Variants in SLC25A12 observed in about 807,000 individuals in gnomAD.
SLC25A12 encodes electrogenic aspartate/glutamate antiporter SLC25A12, mitochondrial.
SLC25A12 carries 32 observed loss-of-function variants against 83.3 expected under a neutral mutation model. The ratio of observed to expected loss-of-function variants is 0.38; its 90% confidence interval spans 0.29 to 0.52. SLC25A12 has a LOEUF of 0.52. Among genes scored for constraint, SLC25A12 ranks in the 20% least tolerant of loss-of-function variants. SLC25A12 has a pLI of 0.84. For missense variants in SLC25A12, 611 were observed against 835.6 expected (o/e 0.73, Z 3.31); for synonymous variants, 267 against 291.1 (o/e 0.92, Z 0.84).
intron 2 of SLC25A12, among the ~76,000 whole-genome samples, chr2:171,869,968 C>T (rs985014698): frequency 2.0e-5 from 3 of 152,056 alleles, no homozygotes; most frequent in African/African-American, 4.8e-5. Flanking sequence ...AACAGTCCTG[C>T]TTTTTTTTCC....
intron 8 of SLC25A12, among the ~76,000 whole-genome samples, chr2:171,829,394 A>T (rs1480140865): frequency 6.6e-6 from 1 of 152,116 alleles, no homozygotes; most frequent in Non-Finnish European, 1.5e-5. Context: ...AGAACCGGAT[A>T]TTGTGGATGA....
intron 2 of SLC25A12, among the ~76,000 whole-genome samples, chr2:171,874,837 GA>G (rs1257083797): frequency 6.6e-6 from 1 of 152,168 alleles, no homozygotes; most frequent in East Asian, 1.9e-4. Flanking sequence ...TATTGGGTAT[GA>G]GGCAGGAGAA....
At chr2:171,834,423 G>C in intron 7 of SLC25A12, 3 of 464,148 alleles carry the variant, frequency 6.5e-6, no homozygotes, top group African/African-American at 3.9e-5. Context: ...AAAGGAGTAG[G>C]CTTGCTCATC....
chr2:171,786,197 G>A (rs1810337), intron 17 of SLC25A12, among the ~76,000 whole-genome samples: 150,562 of 150,838 alleles, frequency 1, 75,145 homozygotes, highest in Middle Eastern at 1. Flanking sequence ...AACACGGTGA[G>A]ACCCCGTCTC....
intron 9 of SLC25A12, 112 bp from the exon 10 acceptor site, chr2:171,815,314 G>T (rs1684029653): frequency 1.4e-5 from 10 of 725,862 alleles, no homozygotes; most frequent in Non-Finnish European, 2.5e-5. Flanking sequence ...AAGTGATATT[G>T]TTAATGCAGT....
rs371667337 is a variant in SLC25A12, at chr2:171,886,796, C to T, written c.66+6409G>A. On this transcript the variant is annotated intron_variant, in intron 2 of 17. Coordinates refer to ENST00000422440, the MANE Select transcript of SLC25A12 (RefSeq NM_003705.5). ...AAGTGCTGGGATTACAGGCATGAGC[C>T]ACCACATCTTGCCCTATATTCTTAT... Among the ~76,000 whole-genome samples, 19 of 152,292 alleles carry T rather than the reference C, an allele frequency of 1.2e-4. No homozygotes were observed. In the East Asian group the frequency reaches 3.5e-3, roughly 28 times the overall value.
intron 2 of SLC25A12, among the ~76,000 whole-genome samples, chr2:171,872,355 T>C (rs766576215): frequency 1.3e-5 from 2 of 152,160 alleles, no homozygotes; most frequent in Non-Finnish European, 2.9e-5. Context: ...AGTAAGTAGA[T>C]TCCATCAATT....
chr2:171,890,101 T>A (rs1054394897), intron 2 of SLC25A12, among the ~76,000 whole-genome samples: 3 of 152,230 alleles, frequency 2.0e-5, no homozygotes, highest in African/African-American at 7.2e-5. Context: ...GAGCAGCTAG[T>A]CCAATCACAT....
rs545910985 is a variant in SLC25A12 at position 171,885,172 on chromosome 2, G to A, written c.66+8033C>T. On this transcript the variant is annotated intron_variant, in intron 2 of 17. Transcript: ENST00000422440. The stretch of plus-strand genomic sequence containing the variant: ...AGCTTGCAGTGAGCCCAGAGACTCC[G>A]TCTCAAAAAAAAAAAAAAAGTGTAT... Among the ~76,000 whole-genome samples the A allele has an allele frequency of 2.3e-3, 271 of 119,856 alleles. 1 individual carries two copies. Among genetic ancestry groups the A allele is most frequent in the African/African-American group, 8.4e-3 (262 of 31,176 alleles). 78.6% of individuals were successfully genotyped at this position (119,856 alleles called of 152,430 possible). A position where few individuals can be genotyped will look rare whatever the true frequency, so the allele number is the denominator to read the frequency against.
chr2:171,885,136 C>T (rs1254335519), intron 2 of SLC25A12, among the ~76,000 whole-genome samples: 4 of 147,924 alleles, frequency 2.7e-5, no homozygotes, highest in Non-Finnish European at 5.9e-5. Flanking sequence ...TGGCGTGAAC[C>T]TGGGAGGCGG....
At chr2:171,886,519 T>G (rs1409191728) in intron 2 of SLC25A12, among the ~76,000 whole-genome samples, 2 of 151,524 alleles carry the variant, frequency 1.3e-5, no homozygotes, top group Admixed American at 6.6e-5. Flanking sequence ...ATTCTTTTTT[T>G]TTTGTTTTGA....
intron 3 of SLC25A12, among the ~76,000 whole-genome samples, chr2:171,856,320 G>A (rs1409990989): frequency 6.6e-6 from 1 of 152,146 alleles, no homozygotes. Context: ...TTTGTAGCAT[G>A]TTTAGCAGCA....
intron 10 of SLC25A12, among the ~76,000 whole-genome samples, chr2:171,814,587 G>A (rs929090870): frequency 2.6e-5 from 4 of 151,310 alleles, no homozygotes; most frequent in Admixed American, 6.6e-5. Flanking sequence ...ATATTTCATC[G>A]CCCAGGTATT....
chr2:171,839,054 G>A (rs897562844), intron 5 of SLC25A12, among the ~76,000 whole-genome samples: 2 of 152,134 alleles, frequency 1.3e-5, no homozygotes, highest in East Asian at 1.9e-4. Flanking sequence ...AAAACATCAG[G>A]GTACAATAGA....
At chr2:171,789,118 A>T (rs2105834299) in intron 15 of SLC25A12, among the ~76,000 whole-genome samples, 1 of 152,288 alleles carries the variant, frequency 6.6e-6, no homozygotes, top group East Asian at 1.9e-4. Context: ...CCCCATTTAA[A>T]AGTAGGAGAC....
intron 13 of SLC25A12, among the ~76,000 whole-genome samples, chr2:171,805,851 C>T (rs150799926): frequency 0.022 from 3,310 of 152,320 alleles, 55 homozygotes; most frequent in Middle Eastern, 0.037. Context: ...TGACTCACAC[C>T]TGTAATCCCA....
intron 9 of SLC25A12, among the ~76,000 whole-genome samples, chr2:171,823,805 AT>A (rs2105875489): frequency 6.6e-6 from 1 of 152,268 alleles, no homozygotes; most frequent in East Asian, 1.9e-4. Context: ...CTGAAAACAA[AT>A]TAGCTGAGCA....
At chr2:171,810,559 C>T (rs557516504) in intron 11 of SLC25A12, among the ~76,000 whole-genome samples, 22 of 152,310 alleles carry the variant, frequency 1.4e-4, no homozygotes, top group Admixed American at 8.5e-4. Flanking sequence ...GAAGAAGAAA[C>T]GGAGCCATGC....
intron 13 of SLC25A12, among the ~76,000 whole-genome samples, chr2:171,800,387 A>C (rs762720770): frequency 6.6e-6 from 1 of 152,070 alleles, no homozygotes; most frequent in South Asian, 2.1e-4. Flanking sequence ...AAGATAATCA[A>C]CATCTTTAGG....
Sources: allele counts gnomAD v4.1 joint callset (sites outside exome capture counted in the v4.1 genomes callset), GRCh38; gene constraint gnomAD v4.1.1; transcripts MANE v1.5; gene names NCBI Gene and HGNC (gene_info 2026-07-23, HGNC 2026-07-21).